The following PCBD2 variants were observed in gnomAD, a reference collection of about 807,000 sequenced individuals.
PCBD2 encodes the protein pterin-4-alpha-carbinolamine dehydratase 2.
In PCBD2, 12 loss-of-function variants were observed where a neutral mutation model predicts 16.4. That is an observed-to-expected ratio of 0.73 (90% confidence interval 0.47 to 1.19). PCBD2 has a LOEUF of 1.19. PCBD2 is among the 50% of genes most tolerant of loss of function. The pLI, the probability that PCBD2 is intolerant of heterozygous loss-of-function variation, is 0.00. For missense variants in PCBD2, 138 were observed against 156.8 expected (o/e 0.88, Z 0.64); for synonymous variants, 58 against 61.8 (o/e 0.94, Z 0.29).
In PCBD2 at chr5:134,922,583, A is replaced by G. The variant is rs191883037; in HGVS notation, c.216+12117A>G. 8.5e-5 allele frequency among the ~76,000 whole-genome samples: 13 copies of G among 152,236 alleles called. No individual in the cohort carries two copies. In the East Asian group the frequency reaches 2.5e-3, roughly 29 times the overall value. ...TCCTTATCCTCACAGAGCATACAGT[A>G]TAGTGGGGGAGGGAGAATGTAAACA... On this transcript the variant is annotated intron_variant, in intron 2 of 3. Coordinates refer to ENST00000254908, the MANE Select transcript of PCBD2 (RefSeq NM_032151.5).
At chr5:134,917,269 G>A (rs1027794750) in intron 2 of PCBD2, among the ~76,000 whole-genome samples, 1 of 152,256 alleles carries the variant, frequency 6.6e-6, no homozygotes, top group Non-Finnish European at 1.5e-5. Context: ...GAGCCCTCCA[G>A]GGCAGGAGCC....
chr5:134,905,282 G>A, intron 1 of PCBD2, 59 bp downstream of exon 1: 1 of 1,206,032 alleles, frequency 8.3e-7, no homozygotes, highest in South Asian at 4.2e-5. Context: ...TGCGAGGCCC[G>A]GCGGCGTCGG....
chr5:134,949,948 C>T (rs1302172338), intron 2 of PCBD2, among the ~76,000 whole-genome samples: 1 of 152,112 alleles, frequency 6.6e-6, no homozygotes, highest in Non-Finnish European at 1.5e-5. Flanking sequence ...GTTGTGTTGC[C>T]GGAATCTGGT....
intron 2 of PCBD2, chr5:134,927,600 C>CCTG (rs1283675069): frequency 2.5e-6 from 1 of 396,098 alleles, no homozygotes; most frequent in Non-Finnish European, 4.4e-6. Context: ...GAAGTATGTA[C>CCTG]CTGCGTTCAG....
At chr5:134,929,112 A>C (rs1433223071) in intron 2 of PCBD2, among the ~76,000 whole-genome samples, 3 of 152,210 alleles carry the variant, frequency 2.0e-5, no homozygotes, top group South Asian at 2.1e-4. Context: ...TAGTGTGAGA[A>C]GAGAGGATGG....
At chr5:134,922,663 CTTTTT>C (rs1428418013) in intron 2 of PCBD2, among the ~76,000 whole-genome samples, 1 of 135,866 alleles carries the variant, frequency 7.4e-6, no homozygotes, top group Non-Finnish European at 1.6e-5. Flanking sequence ...GAAGGAAAAT[CTTTTT>C]TTTTTTTTTT....
At chr5:134,907,433 G>A (rs753420921) in intron 1 of PCBD2, among the ~76,000 whole-genome samples, 1 of 151,792 alleles carries the variant, frequency 6.6e-6, no homozygotes, top group East Asian at 2.0e-4. Flanking sequence ...TAGTAGAGAC[G>A]GGTTTCACCA....
chr5:134,940,430 TATA>T (rs1751212066), intron 2 of PCBD2, among the ~76,000 whole-genome samples: 1 of 150,998 alleles, frequency 6.6e-6, no homozygotes, highest in African/African-American at 2.4e-5. Context: ...GTGCAGCATA[TATA>T]TTTTTTTTTT....
At chr5:134,909,982 A>G (rs1380523837) in intron 1 of PCBD2, among the ~76,000 whole-genome samples, 1 of 152,140 alleles carries the variant, frequency 6.6e-6, no homozygotes, top group African/African-American at 2.4e-5. Flanking sequence ...AGGTGGGAGG[A>G]TCATTTGAGC....
intron 2 of PCBD2, among the ~76,000 whole-genome samples, chr5:134,943,726 T>C (rs556429793): frequency 2.0e-5 from 3 of 152,252 alleles, no homozygotes; most frequent in South Asian, 2.1e-4. Context: ...AGGAATGCAG[T>C]GTGGACTGCA....
At chr5:134,955,331 T>G (rs1424556927) in intron 2 of PCBD2, among the ~76,000 whole-genome samples, 1 of 145,248 alleles carries the variant, frequency 6.9e-6, no homozygotes, top group Non-Finnish European at 1.5e-5. Flanking sequence ...TTTTTTGAGA[T>G]GGAGTCTTGC....
chr5:134,910,506 T>G, intron 2 of PCBD2, 40 bp downstream of exon 2: 1 of 1,605,256 alleles, frequency 6.2e-7, no homozygotes, highest in East Asian at 2.2e-5. Flanking sequence ...TGGTCTATTT[T>G]AGTCACCTTA....
At chr5:134,942,323 G>A (rs1259147361) in intron 2 of PCBD2, among the ~76,000 whole-genome samples, 3 of 152,200 alleles carry the variant, frequency 2.0e-5, no homozygotes, top group East Asian at 1.9e-4. Flanking sequence ...TATGAGGTGC[G>A]TGACTTTGGG....
chr5:134,922,193 G>A (rs1750911043), intron 2 of PCBD2, among the ~76,000 whole-genome samples: 1 of 152,070 alleles, frequency 6.6e-6, no homozygotes, highest in Non-Finnish European at 1.5e-5. Context: ...TCTCAGTTCA[G>A]TGGTTTTTTT....
intron 2 of PCBD2, among the ~76,000 whole-genome samples, chr5:134,947,157 A>G (rs1751305337): frequency 6.7e-6 from 1 of 150,352 alleles, no homozygotes; most frequent in Admixed American, 6.6e-5. Flanking sequence ...CCATAGTGCG[A>G]TAATGGCTCA....
intron 1 of PCBD2, among the ~76,000 whole-genome samples, chr5:134,907,773 C>T (rs1330937715): frequency 6.6e-6 from 1 of 151,008 alleles, no homozygotes; most frequent in Non-Finnish European, 1.5e-5. Context: ...CAGGCGCCTG[C>T]CACCACGCCC....
chr5:134,920,687 G>A (rs760388491), intron 2 of PCBD2, among the ~76,000 whole-genome samples: 2 of 149,844 alleles, frequency 1.3e-5, no homozygotes, highest in African/African-American at 2.5e-5. Flanking sequence ...ACGGAGTCTC[G>A]CTCTGTCGGC....
chr5:134,934,878 A>G (rs1188764605), intron 2 of PCBD2, among the ~76,000 whole-genome samples: 1 of 152,224 alleles, frequency 6.6e-6, no homozygotes, highest in Non-Finnish European at 1.5e-5. Context: ...AACTAGGATT[A>G]TATCTGTCAA....
At chr5:134,918,181 C>T (rs531110577) in intron 2 of PCBD2, among the ~76,000 whole-genome samples, 1 of 152,234 alleles carries the variant, frequency 6.6e-6, no homozygotes, top group African/African-American at 2.4e-5. Context: ...AAAGAGGATG[C>T]CTGTGGCCTG....
Sources: gnomAD v4.1 joint callset for allele counts (sites outside exome capture counted in the v4.1 genomes callset) on GRCh38, gnomAD v4.1.1 for gene constraint, MANE v1.5 for transcripts, NCBI Gene and HGNC (gene_info 2026-07-23, HGNC 2026-07-21) for gene names.